Variants in FARP1 observed in about 807,000 individuals in gnomAD.
FARP1 encodes the protein FERM, ARH/RhoGEF and pleckstrin domain protein 1.
In FARP1, 52 loss-of-function variants were observed where a neutral mutation model predicts 128.8. That is an observed-to-expected ratio of 0.40 (90% CI 0.32 to 0.51). The LOEUF is 0.51. FARP1 is among the 20% of genes least tolerant of loss of function. The probability of loss-of-function intolerance (pLI) is 0.45; values close to 1 mark genes in which losing one functional copy is unlikely to be tolerated. For synonymous variants in FARP1, 580 were observed against 551.8 expected, an observed-to-expected ratio of 1.05 and a Z score of -0.72; for missense variants, 1,333 against 1,367.9, an observed-to-expected ratio of 0.97 and a Z score of 0.40.
At chr13:98,304,870 C>A (rs1886073364) in intron 2 of FARP1, among the ~76,000 whole-genome samples, 1 of 152,180 alleles carries the variant, frequency 6.6e-6, no homozygotes, top group African/African-American at 2.4e-5. Flanking sequence ...CTGTTCATAT[C>A]TTTCCATTTA....
intron 2 of FARP1, among the ~76,000 whole-genome samples, chr13:98,337,345 C>T (rs186625236): frequency 1.3e-5 from 2 of 152,202 alleles, no homozygotes; most frequent in East Asian, 3.9e-4. Context: ...GCACTCCAGC[C>T]AAGGCGACAG....
chr13:98,453,461 G>A lies in FARP1; in HGVS notation c.*5144G>A. The A allele has an allele frequency of 2.0e-6, 1 of 492,742 alleles. No individual in the cohort carries two copies. Among genetic ancestry groups the A allele is most frequent in the Non-Finnish European group, 3.6e-6 (1 of 281,284 alleles). 30.5% of individuals were successfully genotyped at this position (492,742 alleles called of 1,614,324 possible). ...ATGGGTTCAGCCTCCCTGGAGAGAT[G>A]TGAATAAAACGGGAAATCATATCCC... On this transcript the variant is annotated 3_prime_UTR_variant, in exon 27 of 27. Transcript: ENST00000319562.
Position 98,321,218 on chromosome 13 carries a change from C to T in FARP1, c.172-22544C>T, listed in dbSNP as rs1310584228. Among the ~76,000 whole-genome samples, 6 of 145,426 alleles carry T rather than the reference C, an allele frequency of 4.1e-5. No individual in the cohort carries two copies. In the East Asian group the frequency reaches 9.9e-4, roughly 24 times the overall value. On this transcript the variant is annotated intron_variant, in intron 2 of 26. Coordinates refer to ENST00000319562, the MANE Select transcript of FARP1 (RefSeq NM_005766.4). ...CTTGTGGAATGGAGGATCCCACTCT[C>T]TCTTTTCGCTTGTATCCCCTGTGAC... is the stretch of plus-strand genomic sequence containing the variant.
At chr13:98,371,531 T>C (rs1395815080) in intron 5 of FARP1, among the ~76,000 whole-genome samples, 2 of 151,784 alleles carry the variant, frequency 1.3e-5, no homozygotes, top group Non-Finnish European at 2.9e-5. Flanking sequence ...TGGCTCATTG[T>C]TGAATAAAAT....
chr13:98,361,507 G>A (rs1888871311), intron 3 of FARP1, among the ~76,000 whole-genome samples: 1 of 152,148 alleles, frequency 6.6e-6, no homozygotes, highest in Non-Finnish European at 1.5e-5. Flanking sequence ...AGAAGTTTAG[G>A]CTGGTTCTGT....
intron 1 of FARP1, among the ~76,000 whole-genome samples, chr13:98,153,452 A>G (rs576357744): frequency 1.3e-4 from 16 of 127,928 alleles, no homozygotes; most frequent in African/African-American, 2.2e-4. Flanking sequence ...TGTATAATAT[A>G]TAATACATTA....
rs186398161 is a variant in FARP1 at position 98,345,033 on chromosome 13, G to A, written c.276+1167G>A. On this transcript the variant is annotated intron_variant, in intron 3 of 26. Coordinates refer to ENST00000319562, the MANE Select transcript of FARP1 (RefSeq NM_005766.4). The stretch of plus-strand genomic sequence containing the variant: ...TGACAGCTAGCAAGAAGTAGTTACG[G>A]TTTCCATTCACTAGGCACACACAGC... Among the ~76,000 whole-genome samples the A allele has an allele frequency of 1.6e-4, 24 of 152,312 alleles. No homozygotes were observed. In the East Asian group the frequency reaches 3.3e-3, roughly 21 times the overall value.
intron 2 of FARP1, among the ~76,000 whole-genome samples, chr13:98,322,205 G>A (rs1397761981): frequency 6.6e-6 from 1 of 152,206 alleles, no homozygotes; most frequent in East Asian, 1.9e-4. Context: ...GGCTGAGACA[G>A]GAGAATCACT....
intron 1 of FARP1, chr13:98,177,258 C>T (rs376197252): frequency 1.4e-5 from 22 of 1,523,626 alleles, no homozygotes; most frequent in South Asian, 1.0e-4. Context: ...AGGCTCCCAA[C>T]GGCCGTGGCG....
At chr13:98,308,593 A>G (rs1487143669) in intron 2 of FARP1, among the ~76,000 whole-genome samples, 4 of 152,196 alleles carry the variant, frequency 2.6e-5, no homozygotes, top group African/African-American at 9.6e-5. Context: ...CTCAATTTCA[A>G]AGACTTAACA....
intron 8 of FARP1, among the ~76,000 whole-genome samples, chr13:98,386,445 T>G (rs1464994913): frequency 6.6e-6 from 1 of 152,228 alleles, no homozygotes; most frequent in Non-Finnish European, 1.5e-5. Context: ...TTGGACTGTT[T>G]CATTGATCAA....
At chr13:98,297,776 CG>C (rs1346989076) in intron 2 of FARP1, among the ~76,000 whole-genome samples, 1 of 152,188 alleles carries the variant, frequency 6.6e-6, no homozygotes, top group Non-Finnish European at 1.5e-5. Context: ...CTCCCTCCAC[CG>C]CTTCACCCCC....
chr13:98,378,787 G>A (rs571315492), intron 6 of FARP1, among the ~76,000 whole-genome samples: 1 of 149,122 alleles, frequency 6.7e-6, no homozygotes. Context: ...TTTTGAATAT[G>A]AGCACTTATT....
At chr13:98,224,440 T>A (rs1482754103) in intron 2 of FARP1, among the ~76,000 whole-genome samples, 2 of 137,198 alleles carry the variant, frequency 1.5e-5, no homozygotes, top group Admixed American at 1.7e-4. Context: ...GGCAGGAGAA[T>A]GGCGTGAACC....
At chr13:98,349,392 G>A (rs574166909) in intron 3 of FARP1, among the ~76,000 whole-genome samples, 1 of 152,112 alleles carries the variant, frequency 6.6e-6, no homozygotes, top group African/African-American at 2.4e-5. Flanking sequence ...TGACATTGTG[G>A]CTGGGTGGGT....
chr13:98,386,192 T>G (rs1890089363), intron 8 of FARP1, among the ~76,000 whole-genome samples: 1 of 149,420 alleles, frequency 6.7e-6, no homozygotes, highest in Admixed American at 6.6e-5. Flanking sequence ...TGATCCTTTT[T>G]TTTTTTTTTT....
chr13:98,305,666 CTTT>C (rs1303229820), intron 2 of FARP1, among the ~76,000 whole-genome samples: 1 of 149,910 alleles, frequency 6.7e-6, no homozygotes. Context: ...AGCTTCACTT[CTTT>C]AAGGACGCCT....
chr13:98,449,084 A>ATAATAAGCCGTGGTGTTTT lies in FARP1; in HGVS notation c.*768_*786dup, dbSNP rs1555299029. On this transcript the variant is annotated 3_prime_UTR_variant, in exon 27 of 27. Transcript: ENST00000319562. ...TGTGAGTGGTGTACACAATGGGAAG[A>ATAATAAGCCGTGGTGTTTT]TAATAAGCCGTGGTGTTTTGCTGTC... The ATAATAAGCCGTGGTGTTTT allele has an allele frequency of 1.3e-5, 2 of 152,236 alleles. No homozygotes were observed. Among genetic ancestry groups the ATAATAAGCCGTGGTGTTTT allele is most frequent in the Admixed American group, 6.5e-5 (1 of 15,280 alleles). 9.4% of individuals were successfully genotyped at this position (152,236 alleles called of 1,614,324 possible). A position where few individuals can be genotyped will look rare whatever the true frequency, so the allele number is the denominator to read the frequency against.
chr13:98,412,264 C>T (rs766493854), intron 16 of FARP1, among the ~76,000 whole-genome samples: 1 of 152,112 alleles, frequency 6.6e-6, no homozygotes, highest in East Asian at 1.9e-4. Context: ...TTTTCCCTCT[C>T]TTATGATGAT....
Sources: gnomAD v4.1 joint callset for allele counts (sites outside exome capture counted in the v4.1 genomes callset) on GRCh38, gnomAD v4.1.1 for gene constraint, MANE v1.5 for transcripts, NCBI Gene and HGNC (gene_info 2026-07-23, HGNC 2026-07-21) for gene names.